Variants in UBE2QL1 observed in about 807,000 individuals in gnomAD.
UBE2QL1 encodes ubiquitin-conjugating enzyme E2Q-like protein 1.
A neutral mutation model predicts 12.6 loss-of-function variants in UBE2QL1; 5 were observed. The observed-to-expected ratio is 0.40, with a 90% CI of 0.21 to 0.83. The LOEUF (loss-of-function observed/expected upper bound fraction) is 0.83, where lower values mean the gene tolerates loss of function less well. Among genes scored for constraint, UBE2QL1 ranks in the 40% least tolerant of loss-of-function variants. UBE2QL1 has a pLI of 0.37. For synonymous variants in UBE2QL1, 96 were observed against 94.5 expected (o/e 1.02, Z -0.10); for missense variants, 99 against 222.6 (o/e 0.44, Z 3.53).
At chr5:6,466,764 A>C (rs528108689) in intron 1 of UBE2QL1, among the ~76,000 whole-genome samples, 1 of 152,362 alleles carries the variant, frequency 6.6e-6, no homozygotes, top group African/African-American at 2.4e-5. Flanking sequence ...CCCTACATAC[A>C]TCATGTGAAT....
intron 1 of UBE2QL1, among the ~76,000 whole-genome samples, chr5:6,468,943 C>T (rs139046245): frequency 7.2e-5 from 11 of 152,328 alleles, no homozygotes; most frequent in East Asian, 3.9e-4. Flanking sequence ...TTATCACCAC[C>T]GGTCTGCCAC....
chr5:6,490,350 G>T (rs1319826234), intron 1 of UBE2QL1, among the ~76,000 whole-genome samples: 1 of 152,214 alleles, frequency 6.6e-6, no homozygotes, highest in Non-Finnish European at 1.5e-5. Flanking sequence ...TGTCACATGG[G>T]CAGTGTTGCC....
In UBE2QL1 at chr5:6,483,663, G is replaced by A. The variant is rs73038159; in HGVS notation, c.355-7555G>A. Among the ~76,000 whole-genome samples, 1,376 of 152,300 alleles carry A rather than the reference G, an allele frequency of 9.0e-3. 20 individuals carry two copies. Among genetic ancestry groups the A allele is most frequent in the African/African-American group, 0.032 (1,321 of 41,564 alleles). ...TCTCGCTAGAGAGAGAAATTTTACT[G>A]TAATAAGAATGGGTTTCCCAGTGCA... On this transcript the variant is annotated intron_variant, in intron 1 of 1. Transcript: ENST00000399816.
intron 1 of UBE2QL1, among the ~76,000 whole-genome samples, chr5:6,451,357 A>G (rs1018157209): frequency 1.3e-5 from 2 of 152,262 alleles, no homozygotes; most frequent in African/African-American, 4.8e-5. Context: ...CCAAGCGGCA[A>G]TATAGCAATG....
At chr5:6,472,530 C>T (rs555477487) in intron 1 of UBE2QL1, among the ~76,000 whole-genome samples, 1 of 152,286 alleles carries the variant, frequency 6.6e-6, no homozygotes, top group East Asian at 1.9e-4. Context: ...TTCCTGATGA[C>T]TGGGATCTGG....
intron 1 of UBE2QL1, among the ~76,000 whole-genome samples, chr5:6,469,992 G>C (rs147054321): frequency 0.012 from 1,798 of 152,314 alleles, 10 homozygotes; most frequent in Non-Finnish European, 0.013. Flanking sequence ...ACCCTGCAAT[G>C]GTCTGTGGCG....
chr5:6,449,667 T>G (rs1739371835), intron 1 of UBE2QL1, among the ~76,000 whole-genome samples: 2 of 143,698 alleles, frequency 1.4e-5, no homozygotes, highest in Admixed American at 7.0e-5. Context: ...CCCCCATCTA[T>G]TCCCACCCCC....
chr5:6,491,167 A>G, intron 1 of UBE2QL1, 51 bp from the exon 2 acceptor site: 1 of 1,481,224 alleles, frequency 6.8e-7, no homozygotes, highest in Non-Finnish European at 9.0e-7. Context: ...ATGGTAGGAA[A>G]CAGAATTCCC....
chr5:6,482,878 G>T (rs1282239396), intron 1 of UBE2QL1, among the ~76,000 whole-genome samples: 1 of 152,140 alleles, frequency 6.6e-6, no homozygotes, highest in Non-Finnish European at 1.5e-5. Flanking sequence ...CGTCAGCAGG[G>T]CCCAAGCAGA....
intron 1 of UBE2QL1, among the ~76,000 whole-genome samples, chr5:6,472,867 C>T (rs1484035409): frequency 6.6e-6 from 1 of 152,198 alleles, no homozygotes; most frequent in Non-Finnish European, 1.5e-5. Flanking sequence ...CCTGAGCCTC[C>T]TCCCACTGGC....
At chr5:6,488,332 T>C (rs911272997) in intron 1 of UBE2QL1, among the ~76,000 whole-genome samples, 2 of 152,218 alleles carry the variant, frequency 1.3e-5, no homozygotes, top group African/African-American at 4.8e-5. Flanking sequence ...AACCACAGAA[T>C]AGTCCAGGAT....
rs566768225 is a variant in UBE2QL1, at chr5:6,496,719, C to T, written c.*5370C>T. Among the ~76,000 whole-genome samples, 4 of 152,244 alleles carry T rather than the reference C, an allele frequency of 2.6e-5. No individual in the cohort carries two copies. The highest frequency in any genetic ancestry group is 6.5e-5 in the Admixed American group (1 of 15,290). On this transcript the variant is annotated 3_prime_UTR_variant, in exon 2 of 2. Coordinates refer to ENST00000399816, the MANE Select transcript of UBE2QL1 (RefSeq NM_001145161.3). ...TTTAAAACCAATAAACGTCTTTACA[C>T]GGAATGCTTGCTGTGTCCTCGCATG...
In UBE2QL1 at chr5:6,492,907, C is replaced by G. The variant is rs1392791160; in HGVS notation, c.*1558C>G. 6.6e-6 allele frequency: 1 copy of G among 152,256 alleles called. No homozygotes were observed. Among genetic ancestry groups the G allele is most frequent in the Non-Finnish European group, 1.5e-5 (1 of 68,050 alleles). 9.4% of individuals were successfully genotyped at this position (152,256 alleles called of 1,614,324 possible). ...TATTCAATTCTTCAGGCAGTTTTGT[C>G]TACTTGGGGACCTGCCCATTGGTTC... On this transcript the variant is annotated 3_prime_UTR_variant, in exon 2 of 2. Coordinates refer to ENST00000399816, the MANE Select transcript of UBE2QL1 (RefSeq NM_001145161.3).
intron 1 of UBE2QL1, among the ~76,000 whole-genome samples, chr5:6,453,721 AC>A (rs1739457496): frequency 6.6e-6 from 1 of 152,018 alleles, no homozygotes; most frequent in African/African-American, 2.4e-5. Flanking sequence ...ACACACACAC[AC>A]ACACACACAC....
intron 1 of UBE2QL1, among the ~76,000 whole-genome samples, chr5:6,483,585 G>A (rs751501488): frequency 3.3e-5 from 5 of 152,142 alleles, no homozygotes; most frequent in African/African-American, 7.2e-5. Flanking sequence ...GACTCTGCTC[G>A]CCTCTCCTGG....
At chr5:6,468,007 C>G (rs376238980) in intron 1 of UBE2QL1, among the ~76,000 whole-genome samples, 2 of 152,156 alleles carry the variant, frequency 1.3e-5, no homozygotes, top group African/African-American at 4.8e-5. Context: ...TTGCTCTCAT[C>G]CAGATCAATG....
chr5:6,471,187 A>AT (rs573256136), intron 1 of UBE2QL1, among the ~76,000 whole-genome samples: 265 of 152,200 alleles, frequency 1.7e-3, no homozygotes, highest in Middle Eastern at 3.4e-3. Context: ...ATCTTTAGGA[A>AT]TTTTTTGTCA....
At chr5:6,475,253 A>G (rs1429337675) in intron 1 of UBE2QL1, among the ~76,000 whole-genome samples, 1 of 152,224 alleles carries the variant, frequency 6.6e-6, no homozygotes, top group African/African-American at 2.4e-5. Context: ...TCTCTTGTTA[A>G]TTTTATTAGG....
chr5:6,495,425 C>A lies in UBE2QL1; in HGVS notation c.*4076C>A, dbSNP rs976115350. 2.0e-5 allele frequency among the ~76,000 whole-genome samples: 3 copies of A among 152,200 alleles called. No individual in the cohort carries two copies. The highest frequency in any genetic ancestry group is 2.9e-5 in the Non-Finnish European group (2 of 68,034). Reference sequence around the variant, plus strand: ...GAAGACCACTTAGCCTAATTTTACACCCTCTGCAGTGAAGGAGGCGAGCCC... The same window carrying A: ...GAAGACCACTTAGCCTAATTTTACAACCTCTGCAGTGAAGGAGGCGAGCCC... On this transcript the variant is annotated 3_prime_UTR_variant, in exon 2 of 2. Transcript: ENST00000399816.
Sources: allele counts gnomAD v4.1 joint callset (sites outside exome capture counted in the v4.1 genomes callset), GRCh38; gene constraint gnomAD v4.1.1; transcripts MANE v1.5; gene names NCBI Gene and HGNC (gene_info 2026-07-23, HGNC 2026-07-21).